The following NRXN3 variants were observed in gnomAD, a reference collection of about 807,000 sequenced individuals.
NRXN3 encodes the protein neurexin 3.
NRXN3 carries 32 observed loss-of-function variants against 137.6 expected under a neutral mutation model. The ratio of observed to expected loss-of-function variants is 0.23; its 90% CI spans 0.18 to 0.31. NRXN3 has a LOEUF of 0.31. Ranked by LOEUF, NRXN3 falls within the 10% of genes least tolerant of loss-of-function variation. NRXN3 has a pLI of 1.00. For synonymous variants in NRXN3, 798 were observed against 784.5 expected (o/e 1.02, Z -0.29); for missense variants, 1,574 against 2,062.5 (o/e 0.76, Z 4.59).
chr14:79,855,408 T>C (rs2099400401), intron 20 of NRXN3, among the ~76,000 whole-genome samples: 1 of 152,200 alleles, frequency 6.6e-6, no homozygotes, highest in South Asian at 2.1e-4. Flanking sequence ...TTGGGCTCTC[T>C]CTACCTCAGT....
At chr14:78,260,772 G>A (rs1038410505) in intron 2 of NRXN3, among the ~76,000 whole-genome samples, 2 of 152,206 alleles carry the variant, frequency 1.3e-5, no homozygotes, top group Non-Finnish European at 2.9e-5. Context: ...ATGTGGAACT[G>A]TAAGTCCAAT....
At chr14:78,201,464 G>A (rs2061670557) in intron 1 of NRXN3, among the ~76,000 whole-genome samples, 1 of 152,144 alleles carries the variant, frequency 6.6e-6, no homozygotes, top group Non-Finnish European at 1.5e-5. Context: ...AGAAAAGGTG[G>A]TGAGAGGCAC....
At chr14:79,000,230 A>C (rs963431861) in intron 15 of NRXN3, among the ~76,000 whole-genome samples, 4 of 151,762 alleles carry the variant, frequency 2.6e-5, no homozygotes, top group Non-Finnish European at 5.9e-5. Context: ...AGATATTCTT[A>C]TGTGAGTGAA....
At chr14:79,220,124 T>A (rs1597413543) in intron 15 of NRXN3, among the ~76,000 whole-genome samples, 2 of 152,212 alleles carry the variant, frequency 1.3e-5, no homozygotes, top group Non-Finnish European at 1.5e-5. Flanking sequence ...TATCTTTATT[T>A]CTTAGTTTCA....
At chr14:79,285,908 C>G (rs1203229257) in intron 15 of NRXN3, among the ~76,000 whole-genome samples, 2 of 106,106 alleles carry the variant, frequency 1.9e-5, no homozygotes, top group Non-Finnish European at 3.4e-5. Flanking sequence ...AGAAGTAAAA[C>G]TGTACTGTTC....
At chr14:78,831,839 C>T (rs72685455) in intron 10 of NRXN3, among the ~76,000 whole-genome samples, 4,304 of 152,114 alleles carry the variant, frequency 0.028, 90 homozygotes, top group Non-Finnish European at 0.043. Context: ...ATATGAAATT[C>T]TTTTCTGCAA....
intron 15 of NRXN3, among the ~76,000 whole-genome samples, chr14:79,143,218 G>A (rs1372590063): frequency 2.0e-5 from 3 of 152,136 alleles, no homozygotes; most frequent in Non-Finnish European, 4.4e-5. Flanking sequence ...GCACATATTT[G>A]ATGAATTAGA....
intron 19 of NRXN3, among the ~76,000 whole-genome samples, chr14:79,802,213 C>T (rs1040709968): frequency 6.6e-5 from 10 of 152,086 alleles, no homozygotes; most frequent in Admixed American, 5.9e-4. Flanking sequence ...TATTGCCAGG[C>T]TTTCAGTTCT....
chr14:79,115,133 C>G (rs2054198731), intron 15 of NRXN3, among the ~76,000 whole-genome samples: 1 of 152,028 alleles, frequency 6.6e-6, no homozygotes, highest in Admixed American at 6.6e-5. Context: ...TGAGACCAGC[C>G]TGACCAACAT....
At chr14:78,835,233 G>C (rs1034673326) in intron 10 of NRXN3, among the ~76,000 whole-genome samples, 2 of 152,290 alleles carry the variant, frequency 1.3e-5, no homozygotes, top group African/African-American at 2.4e-5. Context: ...TCCAAAAATA[G>C]CTCAGCTCTG....
chr14:78,296,354 C>G (rs1567193156), intron 3 of NRXN3, among the ~76,000 whole-genome samples: 2 of 152,190 alleles, frequency 1.3e-5, no homozygotes. Flanking sequence ...GTGTGAGCCA[C>G]TCTTGTGAGC....
At chr14:78,522,467 A>C (rs921902976) in intron 4 of NRXN3, among the ~76,000 whole-genome samples, 1 of 152,226 alleles carries the variant, frequency 6.6e-6, no homozygotes, top group African/African-American at 2.4e-5. Context: ...CTTTTCTATG[A>C]ATCTGTTATC....
chr14:79,400,728 T>G (rs1395596995), intron 15 of NRXN3, among the ~76,000 whole-genome samples: 1 of 152,192 alleles, frequency 6.6e-6, no homozygotes, highest in African/African-American at 2.4e-5. Flanking sequence ...CAATTAATAA[T>G]CTTTTGATAC....
At position 79,596,117 on chromosome 14, in the gene NRXN3, C is replaced by T. The variant is rs186870331; in HGVS notation, c.3445-67661C>T. On this transcript the variant is annotated intron_variant, in intron 16 of 20. Transcript: ENST00000335750. ...CCTGTGCTTGCCATTCTGCCTTGTACGTAATACACCCTTTCTAGCAATGGG... is the reference window on the plus strand; with the variant it reads ...CCTGTGCTTGCCATTCTGCCTTGTATGTAATACACCCTTTCTAGCAATGGG... Among the ~76,000 whole-genome samples the T allele has an allele frequency of 7.3e-5, 11 of 151,298 alleles. No individual in the cohort carries two copies. In the East Asian group the frequency reaches 1.4e-3, roughly 19 times the overall value.
At chr14:79,275,979 C>A (rs1004008410) in intron 15 of NRXN3, among the ~76,000 whole-genome samples, 1 of 152,074 alleles carries the variant, frequency 6.6e-6, no homozygotes, top group Non-Finnish European at 1.5e-5. Flanking sequence ...CTCTTCTTTT[C>A]TATCTTAAAA....
intron 19 of NRXN3, among the ~76,000 whole-genome samples, chr14:79,768,745 C>A (rs1215459640): frequency 6.6e-6 from 1 of 152,246 alleles, no homozygotes. Context: ...TGCAGTTCCT[C>A]ACCAGCAACG....
At chr14:78,812,679 A>G (rs1308570384) in intron 10 of NRXN3, among the ~76,000 whole-genome samples, 1 of 152,152 alleles carries the variant, frequency 6.6e-6, no homozygotes, top group Non-Finnish European at 1.5e-5. Flanking sequence ...TTTACACCCC[A>G]CCAAAAACAG....
intron 19 of NRXN3, among the ~76,000 whole-genome samples, chr14:79,715,559 A>C (rs557732321): frequency 6.6e-6 from 1 of 152,328 alleles, no homozygotes; most frequent in African/African-American, 2.4e-5. Flanking sequence ...TTAGTCGATA[A>C]ACACTTAATG....
chr14:78,900,984 G>C (rs566692207), intron 10 of NRXN3, among the ~76,000 whole-genome samples: 3 of 152,086 alleles, frequency 2.0e-5, no homozygotes, highest in Admixed American at 2.0e-4. Context: ...GGCTGAATGA[G>C]GATGTTCAGT....
Sources: gnomAD v4.1 joint callset for allele counts (sites outside exome capture counted in the v4.1 genomes callset) on GRCh38, gnomAD v4.1.1 for gene constraint, MANE v1.5 for transcripts, NCBI Gene and HGNC (gene_info 2026-07-23, HGNC 2026-07-21) for gene names.